Variants in SV2C observed in about 807,000 individuals in gnomAD.
SV2C encodes the protein solute carrier family 22 member B3.
Under a neutral mutation model 79.7 loss-of-function variants are expected in SV2C, and 49 were observed. The ratio of observed to expected loss-of-function variants is 0.61; its 90% CI spans 0.49 to 0.78. The LOEUF is 0.78. Among genes scored for constraint, SV2C ranks in the 30% least tolerant of loss-of-function variants. The pLI, the probability that SV2C is intolerant of heterozygous loss-of-function variation, is 0.00. For missense variants in SV2C, 833 were observed against 912.9 expected (o/e 0.91, Z 1.13); for synonymous variants, 334 against 333.2 (o/e 1.00, Z -0.03).
At chr5:76,287,370 A>T (rs1747390279) in intron 6 of SV2C, among the ~76,000 whole-genome samples, 1 of 152,244 alleles carries the variant, frequency 6.6e-6, no homozygotes, top group South Asian at 2.1e-4. Flanking sequence ...AAGGTATAAA[A>T]GAATCATAGA....
chr5:75,891,370 G>A, the SV2C span, among the ~76,000 whole-genome samples: 2 of 152,082 alleles, frequency 1.3e-5, no homozygotes, highest in African/African-American at 4.8e-5. Flanking sequence ...CACTTTAGTA[G>A]TAGTGCAAAG....
In SV2C at chr5:76,195,025, A is replaced by G. The variant is rs1292686962; in HGVS notation, c.687A>G (p.Gly229=). ...TTCTGATTTGCATGTCTGTCAACGGATTCTTTGCCTTCCTTTCTTCATTTG... is the reference window on the plus strand; with the variant it reads ...TTCTGATTTGCATGTCTGTCAACGGGTTCTTTGCCTTCCTTTCTTCATTTG... ...QSLLICMSVN[G]FFAFLSSFVQ... is the part of the protein sequence containing the mutation. Residue 229 remains glycine (G), a synonymous_variant, in exon 3 of 13, where the codon GGA becomes GGG. Coordinates refer to ENST00000502798, the MANE Select transcript of SV2C (RefSeq NM_014979.4). The G allele has an allele frequency of 6.2e-7, 1 of 1,613,936 alleles. No individual in the cohort carries two copies. Among genetic ancestry groups the G allele is most frequent in the Non-Finnish European group, 8.5e-7 (1 of 1,179,958 alleles).
In SV2C at chr5:76,108,847, T is replaced by C. The variant is rs530971644; in HGVS notation, c.-101-22803T>C. ...AATATAATTTGGTTGTTTGGCGTCA[T>C]GTAGACAAAGAAGTTGACTAACTTT... On this transcript the variant is annotated intron_variant, in intron 1 of 12. Transcript: ENST00000502798. Among the ~76,000 whole-genome samples the C allele has an allele frequency of 4.6e-5, 7 of 152,352 alleles. No homozygotes were observed. In the Middle Eastern group the frequency reaches 0.014, roughly 296 times the overall value.
chr5:75,879,910 A>G, the SV2C span, among the ~76,000 whole-genome samples: 100 of 152,304 alleles, frequency 6.6e-4, no homozygotes, highest in African/African-American at 2.4e-3. Context: ...GGAACTCACC[A>G]AGTCTCCATC....
At chr5:76,049,027 A>AAAGAAAG in the SV2C span, among the ~76,000 whole-genome samples, 95 of 41,116 alleles carry the variant, frequency 2.3e-3, 1 homozygote, top group African/African-American at 5.1e-3. Context: ...AAGAAAGAAA[A>AAAGAAAG]AGAAAAGAGG....
the SV2C span, among the ~76,000 whole-genome samples, chr5:76,054,950 C>T: frequency 5.3e-5 from 8 of 152,054 alleles, no homozygotes; most frequent in Admixed American, 2.0e-4. Context: ...CTGTAGGTTG[C>T]CTGTTAACTC....
the SV2C span, among the ~76,000 whole-genome samples, chr5:75,945,190 A>T: frequency 6.6e-6 from 1 of 152,170 alleles, no homozygotes; most frequent in Admixed American, 6.5e-5. Flanking sequence ...TACATAAAAG[A>T]AACAAATGGA....
intron 4 of SV2C, among the ~76,000 whole-genome samples, chr5:76,268,356 A>G (rs2937720): frequency 0.7 from 106,637 of 151,960 alleles, 37,483 homozygotes; most frequent in Middle Eastern, 0.74. Context: ...TCGATGATGC[A>G]TGAGAACTGA....
chr5:76,070,590 C>T, the SV2C span, among the ~76,000 whole-genome samples: 1 of 152,192 alleles, frequency 6.6e-6, no homozygotes, highest in Non-Finnish European at 1.5e-5. Flanking sequence ...ACTGTCTGGA[C>T]TTTGTCTTCT....
chr5:76,045,670 A>G, the SV2C span, among the ~76,000 whole-genome samples: 1 of 152,186 alleles, frequency 6.6e-6, no homozygotes. Flanking sequence ...GTTTTCTTTC[A>G]TGCTGCTAAT....
At chr5:75,992,062 G>C in the SV2C span, among the ~76,000 whole-genome samples, 1 of 151,762 alleles carries the variant, frequency 6.6e-6, no homozygotes, top group East Asian at 1.9e-4. Context: ...CATTCCACTG[G>C]GATTTCAATT....
In SV2C at chr5:76,332,460, C is replaced by T. The variant is rs570203847; in HGVS notation, c.*6913C>T. 6.6e-6 allele frequency: 1 copy of T among 152,134 alleles called. No individual in the cohort carries two copies. Among genetic ancestry groups the T allele is most frequent in the African/African-American group, 2.4e-5 (1 of 41,482 alleles). 9.4% of individuals were successfully genotyped at this position (152,134 alleles called of 1,614,324 possible). ...AGTCAGTTGAGAAACATAGCTATTA[C>T]TAAAAAATTAAATAAGATTAGATAA... On this transcript the variant is annotated 3_prime_UTR_variant, in exon 13 of 13. Coordinates refer to ENST00000502798, the MANE Select transcript of SV2C (RefSeq NM_014979.4).
In SV2C at chr5:76,301,497, G is replaced by A. The variant is rs1197116899; in HGVS notation, c.1952G>A (p.Trp651Ter). Reference sequence around the variant, plus strand: ...TACAATGGATTGACCATCTCAGCCTGGAACTCTCTTGACGTGGTCACTGTG... The same window carrying A: ...TACAATGGATTGACCATCTCAGCCTAGAACTCTCTTGACGTGGTCACTGTG... ...CLYNGLTISA[W>*]NSLDVVTVEL... The change falls in exon 12 of 13, where the codon TGG becomes TAG. Residue 651 changes from tryptophan (W) to a stop codon, truncating the protein, a stop_gained. Transcript: ENST00000502798. LOFTEE classifies it high-confidence loss of function. 2.5e-6 allele frequency: 4 copies of A among 1,613,902 alleles called. No individual in the cohort carries two copies. Among genetic ancestry groups the A allele is most frequent in the Non-Finnish European group, 3.4e-6 (4 of 1,179,982 alleles).
the SV2C span, among the ~76,000 whole-genome samples, chr5:75,988,797 A>G: frequency 6.6e-6 from 1 of 151,940 alleles, no homozygotes; most frequent in African/African-American, 2.4e-5. Context: ...AAATGGAGGA[A>G]AAGCCCTATC....
chr5:76,306,247 G>A (rs1164999304), intron 12 of SV2C, among the ~76,000 whole-genome samples: 2 of 151,896 alleles, frequency 1.3e-5, no homozygotes, highest in East Asian at 3.9e-4. Context: ...TAAGAGATGG[G>A]GTCTCACTGT....
At chr5:76,228,243 C>A (rs1030700825) in intron 4 of SV2C, among the ~76,000 whole-genome samples, 4 of 152,146 alleles carry the variant, frequency 2.6e-5, no homozygotes, top group African/African-American at 9.7e-5. Context: ...TCGACTCCAG[C>A]CAAATCAGAT....
the SV2C span, among the ~76,000 whole-genome samples, chr5:76,045,194 G>A: frequency 1.2e-3 from 177 of 152,048 alleles, 1 homozygote; most frequent in Non-Finnish European, 2.3e-3. Flanking sequence ...GCTTGTTTTC[G>A]TCAGGTTTGT....
rs199662851 is a variant in SV2C, at chr5:76,091,696, CT to C, written c.-102+8198del. Reference sequence around the variant, plus strand: ...CACTCAGAATAAGCTTTCTATGAGACTTTTTTTTTTTTTTAAGCCTACAGCT... The same window carrying C: ...CACTCAGAATAAGCTTTCTATGAGACTTTTTTTTTTTTTAAGCCTACAGCT... On this transcript the variant is annotated intron_variant, in intron 1 of 12. Transcript: ENST00000502798. 1,036 of 144,850 alleles carry C rather than the reference CT, an allele frequency of 7.2e-3. 10 individuals are homozygous for C. Among genetic ancestry groups the C allele is most frequent in the East Asian group, 0.053 (266 of 5,028 alleles). The allele number at this position is 144,850 out of a possible 1,614,324, so 9.0% of individuals were successfully genotyped here.
intron 2 of SV2C, among the ~76,000 whole-genome samples, chr5:76,182,978 T>C (rs1743794372): frequency 7.5e-6 from 1 of 132,654 alleles, no homozygotes; most frequent in South Asian, 2.4e-4. Flanking sequence ...AGAGAGAGAG[T>C]AGGGGGAGGT....
Sources: allele counts gnomAD v4.1 joint callset (sites outside exome capture counted in the v4.1 genomes callset), GRCh38; gene constraint gnomAD v4.1.1; transcripts MANE v1.5; gene names NCBI Gene and HGNC (gene_info 2026-07-23, HGNC 2026-07-21).